The following IFIH1 variants were observed in gnomAD, a reference collection of about 807,000 sequenced individuals.
The protein encoded by IFIH1 is interferon-induced helicase C domain-containing protein 1.
IFIH1 carries 125 observed loss-of-function variants against 107.4 expected under a neutral mutation model. That is an observed-to-expected ratio of 1.16 (90% CI 1.01 to 1.35). The LOEUF is 1.35. IFIH1 is among the 40% of genes most tolerant of loss of function. IFIH1 has a pLI of 0.00. For missense variants in IFIH1, 1,333 were observed against 1,213.7 expected (o/e 1.10, Z -1.46); for synonymous variants, 458 against 413.2 (o/e 1.11, Z -1.31).
Position 162,282,387 on chromosome 2 carries a change from C to G in IFIH1, c.1285G>C (p.Asp429His). 1 of 1,610,288 alleles carries G rather than the reference C, an allele frequency of 6.2e-7. No homozygotes were observed. The highest frequency in any genetic ancestry group is 8.5e-7 in the Non-Finnish European group (1 of 1,177,660). ...TGACCTGACAATTGAACACCAGCAT[C>G]TTCTCCATTTTCCAAGTTTAAGAGG... ...NSLLNLENGE[D>H]AGVQLSDFSL... The change falls in exon 6 of 16, where the codon GAT becomes CAT. Residue 429 changes from aspartate (D) to histidine (H), a missense_variant. Transcript: ENST00000649979.
chr2:162,285,388 T>C (rs1311835325), intron 5 of IFIH1, among the ~76,000 whole-genome samples: 2 of 151,956 alleles, frequency 1.3e-5, no homozygotes, highest in East Asian at 3.9e-4. Flanking sequence ...AGATCAAGGG[T>C]AACAATACCT....
chr2:162,293,599 A>G lies in IFIH1; in HGVS notation c.839T>C (p.Met280Thr). ...LDESLGHNSN[M>T]GSDSGTMGSD... ...TCCCATGGTGCCTGAATCACTGCCC[A>G]TGTTGCTGTTATGTCCAAGACTTTC... is the stretch of plus-strand genomic sequence containing the variant. The change falls in exon 4 of 16, where the codon ATG becomes ACG. Residue 280 changes from methionine to threonine, a missense_variant. By Grantham distance (81) the Met-to-Thr change is moderately conservative (BLOSUM62 -1). Coordinates refer to ENST00000649979, the MANE Select transcript of IFIH1 (RefSeq NM_022168.4). 1 of 1,611,778 alleles carries G rather than the reference A, an allele frequency of 6.2e-7. No individual in the cohort carries two copies. Among genetic ancestry groups the G allele is most frequent in the Non-Finnish European group, 8.5e-7 (1 of 1,178,338 alleles).
chr2:162,308,929 G>A (rs186671953), intron 2 of IFIH1, among the ~76,000 whole-genome samples: 47 of 152,292 alleles, frequency 3.1e-4, no homozygotes, highest in African/African-American at 9.9e-4. Context: ...CAAATCAGAC[G>A]TAGATGAGAC....
intron 2 of IFIH1, among the ~76,000 whole-genome samples, chr2:162,308,186 C>T (rs574015812): frequency 6.6e-6 from 1 of 152,204 alleles, no homozygotes; most frequent in African/African-American, 2.4e-5. Context: ...CACTGGAAGT[C>T]CAAGATCAAG....
rs1057524257 is a variant in IFIH1, at chr2:162,318,034, C to A, written c.274G>T (p.Ala92Ser). ...GTGAGCTCAGGGTTCATGTAGCGGG[C>A]GGCCAGAGGGCTGCCGGTTCTCCGG... is the stretch of plus-strand genomic sequence containing the variant. Reference protein sequence around the residue: ...ALRRTGSPLAARYMNPELTDL... With the variant: ...ALRRTGSPLASRYMNPELTDL... Residue 92 changes from alanine to serine, a missense_variant, in exon 1 of 16, where the codon GCC (alanine) becomes TCC (serine). Ala to Ser is a moderately conservative substitution (Grantham distance 99). Transcript: ENST00000649979. 2 of 1,614,158 alleles carry A rather than the reference C, an allele frequency of 1.2e-6. No homozygotes were observed. Among genetic ancestry groups the A allele is most frequent in the Non-Finnish European group, 8.5e-7 (1 of 1,180,036 alleles).
intron 3 of IFIH1, among the ~76,000 whole-genome samples, chr2:162,299,410 A>T (rs1380097159): frequency 6.6e-6 from 1 of 152,222 alleles, no homozygotes; most frequent in Non-Finnish European, 1.5e-5. Context: ...GGAGGGAGAT[A>T]CGAATACACT....
Position 162,278,298 on chromosome 2 carries a change from T to G in IFIH1, c.1672A>C (p.Met558Leu). Residue 558 changes from methionine (M) to leucine (L), a missense_variant, in exon 9 of 16, where the codon ATG becomes CTG. Physicochemically the swap from Met to Leu is conservative, Grantham distance 15. Coordinates refer to ENST00000649979, the MANE Select transcript of IFIH1 (RefSeq NM_022168.4). ...DPFKEKLLEIMTRIQTYCQMS... is the reference protein window; with the variant it reads ...DPFKEKLLEILTRIQTYCQMS... ...TGACAATAAGTTTGAATCCTTGTCA[T>G]TATTTCTAGAAGTTTCTCTTTAAAT... 6.8e-7 allele frequency: 1 copy of G among 1,477,222 alleles called. No individual in the cohort carries two copies. Among genetic ancestry groups the G allele is most frequent in the East Asian group, 2.3e-5 (1 of 43,894 alleles). 91.5% of individuals were successfully genotyped at this position (1,477,222 alleles called of 1,614,324 possible).
At chr2:162,289,440 A>G (rs540489859) in intron 4 of IFIH1, among the ~76,000 whole-genome samples, 2 of 151,990 alleles carry the variant, frequency 1.3e-5, no homozygotes, top group Admixed American at 6.6e-5. Flanking sequence ...TAAATATTAT[A>G]CCAATTTAAA....
chr2:162,275,869 C>T (rs1424499507), intron 11 of IFIH1, among the ~76,000 whole-genome samples: 3 of 152,096 alleles, frequency 2.0e-5, no homozygotes, highest in Admixed American at 6.6e-5. Flanking sequence ...TAAAACAAAA[C>T]ACCTTAAAAT....
rs966857138 is a variant in IFIH1, at chr2:162,285,529, C to A, written c.1095+2606G>T. On this transcript the variant is annotated intron_variant, in intron 5 of 15. Transcript: ENST00000649979. ...AAGATGGTATAGTAAACAATTATGA[C>A]ATAGATGGAAGAATTAGTGGAGGGA... 4.0e-5 allele frequency among the ~76,000 whole-genome samples: 6 copies of A among 151,788 alleles called. No homozygotes were observed. In the South Asian group the frequency reaches 1.0e-3, roughly 26 times the overall value.
intron 5 of IFIH1, among the ~76,000 whole-genome samples, chr2:162,287,567 A>G (rs1011424335): frequency 6.6e-6 from 1 of 151,778 alleles, no homozygotes; most frequent in Non-Finnish European, 1.5e-5. Flanking sequence ...TATTTTATAT[A>G]TATATATGTA....
intron 5 of IFIH1, among the ~76,000 whole-genome samples, chr2:162,285,277 G>T (rs986330348): frequency 1.3e-5 from 2 of 151,968 alleles, no homozygotes; most frequent in African/African-American, 2.4e-5. Context: ...AACACAGGTG[G>T]TGTTTTCATT....
chr2:162,285,844 C>T (rs1055484988), intron 5 of IFIH1, among the ~76,000 whole-genome samples: 3 of 151,810 alleles, frequency 2.0e-5, no homozygotes, highest in African/African-American at 7.3e-5. Context: ...AAGAAATAAA[C>T]CTAAGTATTT....
Position 162,267,459 on chromosome 2 carries a change from GC to G in IFIH1, c.2898+19del. 1 of 1,611,810 alleles carries G rather than the reference GC, an allele frequency of 6.2e-7. No homozygotes were observed. Among genetic ancestry groups the G allele is most frequent in the Non-Finnish European group, 8.5e-7 (1 of 1,177,908 alleles). On this transcript the variant is annotated intron_variant, in intron 15 of 15. Transcript: ENST00000649979. ...TTCCTGTTGGCTAAAGTAAAATCTG[GC>G]CCACAGCAATTTACTCACCTGGCCA... is the stretch of plus-strand genomic sequence containing the variant.
At chr2:162,312,729 G>C (rs1683402626) in intron 1 of IFIH1, among the ~76,000 whole-genome samples, 1 of 152,044 alleles carries the variant, frequency 6.6e-6, no homozygotes, top group African/African-American at 2.4e-5. Context: ...CTTCCCTGAT[G>C]TTGTAACATC....
At chr2:162,279,970 A>G in intron 8 of IFIH1, 26 bp downstream of exon 8, 3 of 1,127,872 alleles carry the variant, frequency 2.7e-6, no homozygotes, top group African/African-American at 1.5e-5. Context: ...TTGTCAATCA[A>G]TAGATATAAA....
chr2:162,310,269 G>A (rs1233477814), intron 2 of IFIH1: 1 of 157,458 alleles, frequency 6.4e-6, no homozygotes, highest in Admixed American at 6.5e-5. Flanking sequence ...AATAATGTAG[G>A]AGAAGGAGCT....
At chr2:162,296,918 GC>G (rs1683092702) in intron 3 of IFIH1, among the ~76,000 whole-genome samples, 1 of 152,004 alleles carries the variant, frequency 6.6e-6, no homozygotes, top group Admixed American at 6.6e-5. Context: ...AATATATGGA[GC>G]TCGATTTCTT....
intron 11 of IFIH1, among the ~76,000 whole-genome samples, chr2:162,274,265 G>A (rs1056028641): frequency 2.0e-5 from 3 of 152,170 alleles, no homozygotes; most frequent in African/African-American, 7.2e-5. Flanking sequence ...GTTGAGAAGA[G>A]GATATGACAA....
Sources: allele counts gnomAD v4.1 joint callset (sites outside exome capture counted in the v4.1 genomes callset), GRCh38; gene constraint gnomAD v4.1.1; transcripts MANE v1.5; gene names NCBI Gene and HGNC (gene_info 2026-07-23, HGNC 2026-07-21).